UBE2H: variants seen among roughly 807,000 people sequenced by gnomAD.
The protein encoded by UBE2H is ubiquitin-conjugating enzyme E2 H.
A neutral mutation model predicts 29.0 loss-of-function variants in UBE2H; 3 were observed. The observed-to-expected ratio is 0.10, with a 90% CI of 0.05 to 0.27. The LOEUF is 0.27. Among genes scored for constraint, UBE2H ranks in the 10% least tolerant of loss-of-function variants. The probability of loss-of-function intolerance (pLI) is 1.00; values close to 1 mark genes in which losing one functional copy is unlikely to be tolerated. For synonymous variants in UBE2H, 69 were observed against 82.9 expected, an observed-to-expected ratio of 0.83 and a Z score of 0.91; for missense variants, 68 against 228.2, an observed-to-expected ratio of 0.30 and a Z score of 4.52.
intron 5 of UBE2H, among the ~76,000 whole-genome samples, chr7:129,840,831 T>G (rs1437083276): frequency 6.6e-6 from 1 of 152,224 alleles, no homozygotes; most frequent in African/African-American, 2.4e-5. Context: ...CCAATTTTGC[T>G]TTTAACAATG....
chr7:129,880,023 C>T (rs998190802), intron 2 of UBE2H, among the ~76,000 whole-genome samples: 1 of 152,106 alleles, frequency 6.6e-6, no homozygotes, highest in African/African-American at 2.4e-5. Context: ...ACGTGGCCAT[C>T]CATAACAAAA....
At chr7:129,886,282 T>C (rs1438215484) in intron 1 of UBE2H, among the ~76,000 whole-genome samples, 1 of 152,194 alleles carries the variant, frequency 6.6e-6, no homozygotes, top group Non-Finnish European at 1.5e-5. Context: ...CCAAGTCCAT[T>C]TCACTTTTTA....
intron 1 of UBE2H, among the ~76,000 whole-genome samples, chr7:129,933,235 AG>A (rs146735992): frequency 0.01 from 1,555 of 152,310 alleles, 13 homozygotes; most frequent in Middle Eastern, 0.024. Context: ...TACAGGTGAA[AG>A]GTAAAAATAA....
chr7:129,920,216 T>C (rs911908360), intron 1 of UBE2H, among the ~76,000 whole-genome samples: 1 of 152,114 alleles, frequency 6.6e-6, no homozygotes, highest in African/African-American at 2.4e-5. Flanking sequence ...CATGTAAATA[T>C]TTATGCATAT....
chr7:129,851,746 T>A (rs372365833), intron 5 of UBE2H, among the ~76,000 whole-genome samples: 1 of 151,972 alleles, frequency 6.6e-6, no homozygotes, highest in Admixed American at 6.6e-5. Context: ...CACCAGTGAG[T>A]GTGGTATTTT....
chr7:129,862,810 T>TG (rs895010851), intron 3 of UBE2H, among the ~76,000 whole-genome samples: 5 of 151,986 alleles, frequency 3.3e-5, no homozygotes, highest in Admixed American at 1.3e-4. Flanking sequence ...TCAAGGGAGA[T>TG]GGGGGGGCCA....
chr7:129,914,691 C>A (rs2116455528), intron 1 of UBE2H, among the ~76,000 whole-genome samples: 1 of 152,256 alleles, frequency 6.6e-6, no homozygotes, highest in Admixed American at 6.5e-5. Context: ...TGAGCCCACT[C>A]CCTTGATGAA....
chr7:129,867,724 C>CAAA (rs1473451530), intron 3 of UBE2H, among the ~76,000 whole-genome samples: 605 of 31,086 alleles, frequency 0.019, 12 homozygotes, highest in Middle Eastern at 0.08. Flanking sequence ...AAAAGAAAAC[C>CAAA]AAAAAAAAAA....
chr7:129,831,287 T>C lies in UBE2H; in HGVS notation c.*3650A>G, dbSNP rs1194615273. Reference sequence around the variant, plus strand: ...GCCCAGTTGGGAAGTCGATAAAAAATCTTGCTAACTTTTTTAAATGGCTTT... The same window carrying C: ...GCCCAGTTGGGAAGTCGATAAAAAACCTTGCTAACTTTTTTAAATGGCTTT... On this transcript the variant is annotated 3_prime_UTR_variant, in exon 7 of 7. Coordinates refer to ENST00000355621, the MANE Select transcript of UBE2H (RefSeq NM_003344.4). 6.6e-6 allele frequency: 1 copy of C among 152,216 alleles called. No individual in the cohort carries two copies. Among genetic ancestry groups the C allele is most frequent in the Admixed American group, 6.5e-5 (1 of 15,286 alleles). 9.4% of individuals were successfully genotyped at this position (152,216 alleles called of 1,614,324 possible).
chr7:129,930,587 G>T (rs535528852), intron 1 of UBE2H, among the ~76,000 whole-genome samples: 1 of 152,102 alleles, frequency 6.6e-6, no homozygotes, highest in East Asian at 1.9e-4. Flanking sequence ...TGGCCAACAT[G>T]GTGAAAACCC....
At chr7:129,903,169 A>C (rs1325915372) in intron 1 of UBE2H, among the ~76,000 whole-genome samples, 1 of 152,220 alleles carries the variant, frequency 6.6e-6, no homozygotes, top group Non-Finnish European at 1.5e-5. Flanking sequence ...TTTAAAGCAC[A>C]ATCCACAAAG....
intron 1 of UBE2H, among the ~76,000 whole-genome samples, chr7:129,904,919 C>T (rs1369162824): frequency 1.3e-5 from 2 of 152,152 alleles, no homozygotes; most frequent in African/African-American, 4.8e-5. Context: ...AAGGTGTTTT[C>T]AAGAGGTGGT....
At chr7:129,880,661 T>G (rs1806235099) in intron 2 of UBE2H, among the ~76,000 whole-genome samples, 1 of 151,944 alleles carries the variant, frequency 6.6e-6, no homozygotes. Flanking sequence ...ATAAAGGGAC[T>G]TGAGCATCTG....
chr7:129,888,766 C>T (rs1273397955), intron 1 of UBE2H, among the ~76,000 whole-genome samples: 2 of 152,168 alleles, frequency 1.3e-5, no homozygotes, highest in African/African-American at 2.4e-5. Context: ...TGAGCCACCA[C>T]GCCCAGCCAC....
At chr7:129,844,079 C>G (rs1233774978) in intron 5 of UBE2H, among the ~76,000 whole-genome samples, 1 of 152,140 alleles carries the variant, frequency 6.6e-6, no homozygotes, top group Non-Finnish European at 1.5e-5. Flanking sequence ...ATAAAAGAAC[C>G]CTTAATTATT....
In UBE2H at chr7:129,900,751, C is replaced by CTTT. The variant is rs71704122; in HGVS notation, c.54-19783_54-19781dup. ...ATCGTATGATTAAGATTTCTTTTTC[C>CTTT]TTTTTTTTTTTTTTTTTGAGACAGA... On this transcript the variant is annotated intron_variant, in intron 1 of 6. Transcript: ENST00000355621. Among the ~76,000 whole-genome samples, 8 of 133,832 alleles carry CTTT rather than the reference C, an allele frequency of 6.0e-5. No individual in the cohort carries two copies. The East Asian group carries it at 1.3e-3, about 21-fold the overall frequency. 87.8% of individuals were successfully genotyped at this position (133,832 alleles called of 152,430 possible). A position where few individuals can be genotyped will look rare whatever the true frequency, so the allele number is the denominator to read the frequency against.
intron 5 of UBE2H, among the ~76,000 whole-genome samples, chr7:129,848,962 A>C (rs1805560531): frequency 6.6e-6 from 1 of 151,960 alleles, no homozygotes. Flanking sequence ...ACTATAATTA[A>C]TAGATCTTTA....
chr7:129,900,298 TTTAA>T (rs1277701925), intron 1 of UBE2H, among the ~76,000 whole-genome samples: 3 of 152,282 alleles, frequency 2.0e-5, no homozygotes, highest in African/African-American at 7.2e-5. Context: ...ATGACATGGA[TTTAA>T]TTATCTCAAC....
intron 3 of UBE2H, among the ~76,000 whole-genome samples, chr7:129,876,235 T>C (rs1286040473): frequency 6.6e-6 from 1 of 152,222 alleles, no homozygotes; most frequent in Non-Finnish European, 1.5e-5. Flanking sequence ...TCTCATTTTC[T>C]AGCAGAGAAA....
Sources: allele counts gnomAD v4.1 joint callset (sites outside exome capture counted in the v4.1 genomes callset), GRCh38; gene constraint gnomAD v4.1.1; transcripts MANE v1.5; gene names NCBI Gene and HGNC (gene_info 2026-07-23, HGNC 2026-07-21).